MMRN1: variants seen among roughly 807,000 people sequenced by gnomAD.
MMRN1 encodes multimerin 1.
Under a neutral mutation model 100.7 loss-of-function variants are expected in MMRN1, and 94 were observed. That is an observed-to-expected ratio of 0.93 (90% CI 0.79 to 1.11). The LOEUF is 1.11. MMRN1 is among the 50% of genes least tolerant of loss of function. The pLI is 0.00. For missense variants in MMRN1, 1,606 were observed against 1,439.1 expected, an observed-to-expected ratio of 1.12 and a Z score of -1.88; for synonymous variants, 575 against 505.0, an observed-to-expected ratio of 1.14 and a Z score of -1.86.
chr4:89,930,368 C>T (rs1722397735), intron 5 of MMRN1, among the ~76,000 whole-genome samples: 1 of 152,084 alleles, frequency 6.6e-6, no homozygotes, highest in Admixed American at 6.6e-5. Context: ...TTACATTACT[C>T]ATTTTCATTG....
intron 1 of MMRN1, among the ~76,000 whole-genome samples, chr4:89,898,177 C>G (rs1344946054): frequency 6.6e-6 from 1 of 152,082 alleles, no homozygotes; most frequent in Non-Finnish European, 1.5e-5. Context: ...GTCCTTCGTA[C>G]TTTCATTTGA....
At chr4:89,951,101 A>T (rs182371938) in intron 6 of MMRN1, among the ~76,000 whole-genome samples, 66 of 152,246 alleles carry the variant, frequency 4.3e-4, no homozygotes, top group Admixed American at 1.5e-3. Context: ...AGAATTTTTT[A>T]AAATTTTAAA....
chr4:89,889,942 C>T (rs1184566190), upstream of MMRN1, among the ~76,000 whole-genome samples: 1 of 152,102 alleles, frequency 6.6e-6, no homozygotes, highest in African/African-American at 2.4e-5. Context: ...CTTGCCTTAT[C>T]TCTAGCCTTT....
intron 6 of MMRN1, among the ~76,000 whole-genome samples, chr4:89,938,312 C>T (rs1381549302): frequency 6.6e-6 from 1 of 150,928 alleles, no homozygotes; most frequent in Admixed American, 6.6e-5. Flanking sequence ...AAGGTAGTAT[C>T]TCAATATAAG....
At position 89,936,394 on chromosome 4, in the gene MMRN1, C is replaced by T. The variant is rs762040114; in HGVS notation, c.2714C>T (p.Ala905Val). ...CAAGTATTAAATTCCAGATTTAAGG[C>T]GTTGGAAGCAAAATCTATCCATCTT... ...QLQVLNSRFK[A>V]LEAKSIHLSI... Residue 905 changes from alanine (A) to valine (V), a missense_variant, in exon 6 of 8, where the codon GCG (alanine) becomes GTG (valine). Physicochemically the swap from Ala to Val is moderately conservative, Grantham distance 64 (BLOSUM62 0). Coordinates refer to ENST00000264790, the MANE Select transcript of MMRN1 (RefSeq NM_007351.3). The T allele has an allele frequency of 3.7e-6, 6 of 1,609,180 alleles. No homozygotes were observed. Among genetic ancestry groups the T allele is most frequent in the Admixed American group, 3.4e-5 (2 of 59,148 alleles).
At chr4:89,919,213 TCTA>T in intron 3 of MMRN1, among the ~76,000 whole-genome samples, 1 of 151,492 alleles carries the variant, frequency 6.6e-6, no homozygotes, top group East Asian at 1.9e-4. Flanking sequence ...TCTGATTTTT[TCTA>T]AATATTTTAT....
At chr4:89,925,788 G>A (rs1308364612) in intron 4 of MMRN1, among the ~76,000 whole-genome samples, 4 of 152,030 alleles carry the variant, frequency 2.6e-5, no homozygotes, top group Non-Finnish European at 5.9e-5. Context: ...ACTCCAATCA[G>A]CCATTATCCT....
At chr4:89,916,876 C>T (rs1000434294) in intron 3 of MMRN1, among the ~76,000 whole-genome samples, 6 of 151,622 alleles carry the variant, frequency 4.0e-5, no homozygotes, top group African/African-American at 1.2e-4. Context: ...ATTCTTTTGA[C>T]CCTGAGGTCA....
At chr4:89,892,775 A>G (rs1212662455), upstream of MMRN1, among the ~76,000 whole-genome samples, 1 of 151,994 alleles carries the variant, frequency 6.6e-6, no homozygotes, top group African/African-American at 2.4e-5. Flanking sequence ...TTATCATTGG[A>G]TAACTATTTG....
At chr4:89,900,629 C>A (rs192476387) in intron 1 of MMRN1, among the ~76,000 whole-genome samples, 148 of 152,098 alleles carry the variant, frequency 9.7e-4, no homozygotes, top group African/African-American at 3.5e-3. Flanking sequence ...AGGGACCTTG[C>A]CTGTCTTATT....
chr4:89,920,889 A>T (rs1722066526), intron 3 of MMRN1, among the ~76,000 whole-genome samples: 1 of 151,840 alleles, frequency 6.6e-6, no homozygotes, highest in South Asian at 2.1e-4. Flanking sequence ...ATCTCAGGTG[A>T]GGGAGTGGAA....
Position 89,936,350 on chromosome 4 carries a change from A to C in MMRN1, c.2670A>C (p.Arg890Ser), listed in dbSNP as rs778676840. The part of the protein sequence containing the change: ...VKKGSVVTNE[R>S]DQALQLQVLN... Reference sequence around the variant, plus strand: ...AAGGCAGTGTAGTTACAAATGAGAGAGATCAGGCTCTTCAACTGCAAGTAT... The same window carrying C: ...AAGGCAGTGTAGTTACAAATGAGAGCGATCAGGCTCTTCAACTGCAAGTAT... The change falls in exon 6 of 8, where the codon AGA (arginine) becomes AGC (serine). Residue 890 changes from arginine to serine, a missense_variant. Physicochemically the swap from Arg to Ser is moderately radical, Grantham distance 110. Transcript: ENST00000264790. 10 of 1,612,296 alleles carry C rather than the reference A, an allele frequency of 6.2e-6. No individual in the cohort carries two copies. The highest frequency in any genetic ancestry group is 1.1e-5 in the South Asian group (1 of 90,708).
intron 1 of MMRN1, among the ~76,000 whole-genome samples, chr4:89,896,239 C>T (rs1721203268): frequency 1.3e-5 from 2 of 152,132 alleles, no homozygotes; most frequent in Non-Finnish European, 2.9e-5. Context: ...ATGCATGCTC[C>T]TCACAGAATA....
At chr4:89,928,455 T>G (rs1722335894) in intron 5 of MMRN1, among the ~76,000 whole-genome samples, 1 of 152,162 alleles carries the variant, frequency 6.6e-6, no homozygotes, top group East Asian at 1.9e-4. Context: ...CTATTATTAA[T>G]ATTAAAGAAT....
At chr4:89,894,356 T>C (rs562587630), upstream of MMRN1, among the ~76,000 whole-genome samples, 1 of 152,264 alleles carries the variant, frequency 6.6e-6, no homozygotes, top group South Asian at 2.1e-4. Context: ...GATATACATG[T>C]ATGTAGATAG....
chr4:89,952,135 G>T (rs1411663383), intron 7 of MMRN1, among the ~76,000 whole-genome samples: 2 of 152,124 alleles, frequency 1.3e-5, no homozygotes, highest in East Asian at 1.9e-4. Flanking sequence ...GTCTGGTATG[G>T]TCATTTAAAT....
intron 6 of MMRN1, among the ~76,000 whole-genome samples, chr4:89,938,308 G>A (rs1295009264): frequency 1.3e-5 from 2 of 151,090 alleles, no homozygotes; most frequent in Non-Finnish European, 3.0e-5. Flanking sequence ...GAGAAAGGTA[G>A]TATCTCAATA....
intron 1 of MMRN1, among the ~76,000 whole-genome samples, chr4:89,880,078 A>C (rs1284902155): frequency 2.0e-5 from 3 of 152,186 alleles, no homozygotes; most frequent in Non-Finnish European, 2.9e-5. Context: ...TTTTCTTTTG[A>C]AGTCAAACTC....
Position 89,951,714 on chromosome 4 carries a change from C to T in MMRN1, c.3228C>T (p.Cys1076=), listed in dbSNP as rs1723185374. 6.2e-7 allele frequency: 1 copy of T among 1,612,192 alleles called. No homozygotes were observed. Among genetic ancestry groups the T allele is most frequent in the Non-Finnish European group, 8.5e-7 (1 of 1,179,338 alleles). ...ACRHPFTGDN[C]TIKLVEENAL... ...GACATCCTTTTACTGGTGACAACTG[C>T]ACTATCAAGCTTGTGGAAGAAAATG... The change falls in exon 7 of 8, where the codon TGC becomes TGT. Residue 1076 remains cysteine (C), a synonymous_variant. Coordinates refer to ENST00000264790, the MANE Select transcript of MMRN1 (RefSeq NM_007351.3).
Sources: allele counts gnomAD v4.1 joint callset (sites outside exome capture counted in the v4.1 genomes callset), GRCh38; gene constraint gnomAD v4.1.1; transcripts MANE v1.5; gene names NCBI Gene and HGNC (gene_info 2026-07-23, HGNC 2026-07-21).